Variants in SYNE1 observed in about 807,000 individuals in gnomAD.
SYNE1 encodes nesprin-1.
Under a neutral mutation model 1,111.0 loss-of-function variants are expected in SYNE1, and 616 were observed. That is an observed-to-expected ratio of 0.55 (90% confidence interval 0.52 to 0.59). SYNE1 has a LOEUF of 0.59. Ranked by LOEUF, SYNE1 falls within the 20% of genes least tolerant of loss-of-function variation. SYNE1 has a pLI of 0.00. For missense variants in SYNE1, 10,006 were observed against 10,417.0 expected, an observed-to-expected ratio of 0.96 and a Z score of 1.72; for synonymous variants, 3,855 against 3,825.8, an observed-to-expected ratio of 1.01 and a Z score of -0.28.
intron 18 of SYNE1, among the ~76,000 whole-genome samples, chr6:152,464,565 T>C (rs1000270774): frequency 1.3e-5 from 2 of 152,198 alleles, no homozygotes; most frequent in Admixed American, 6.6e-5. Context: ...CAATAATAGA[T>C]GAACCAATCT....
rs11453636 is a variant in SYNE1, at chr6:152,413,686, A to AG, written c.6051-156dup. On this transcript the variant is annotated intron_variant, in intron 41 of 145. Transcript: ENST00000367255. ...TAAATTAATGTTTATCAATGGAAAA[A>AG]GTACTTTTAAAGTTAATTTTGCAAA... Among the ~76,000 whole-genome samples, 30,187 of 152,052 alleles carry AG rather than the reference A, an allele frequency of 0.2. 3,380 individuals are homozygous for AG. Among genetic ancestry groups the AG allele is most frequent in the East Asian group, 0.36 (1,843 of 5,152 alleles).
intron 16 of SYNE1, among the ~76,000 whole-genome samples, chr6:152,469,145 G>A (rs934372617): frequency 6.6e-6 from 1 of 151,998 alleles, no homozygotes; most frequent in Non-Finnish European, 1.5e-5. Flanking sequence ...AACTGACTTT[G>A]GTGATTTGTG....
intron 22 of SYNE1, 50 bp downstream of exon 22, chr6:152,458,707 T>C: frequency 6.3e-6 from 10 of 1,593,090 alleles, no homozygotes; most frequent in Non-Finnish European, 8.6e-6. Flanking sequence ...CACCCTGGTC[T>C]TGTTACACAT....
intron 64 of SYNE1, among the ~76,000 whole-genome samples, chr6:152,361,006 G>T (rs192931146): frequency 2.6e-4 from 39 of 152,304 alleles, no homozygotes; most frequent in Admixed American, 1.6e-3. Flanking sequence ...TGAACCAAGG[G>T]CTATGAGAGA....
intron 3 of SYNE1, among the ~76,000 whole-genome samples, chr6:152,622,327 T>C (rs2099677267): frequency 6.6e-6 from 1 of 152,134 alleles, no homozygotes. Flanking sequence ...TAGGTAAATT[T>C]GTGTCATGGA....
At chr6:152,323,324 G>C (rs894960215) in intron 82 of SYNE1, among the ~76,000 whole-genome samples, 154 bp downstream of exon 82, 13 of 152,306 alleles carry the variant, frequency 8.5e-5, no homozygotes, top group Middle Eastern at 3.4e-3. Context: ...TGTAGTCCCA[G>C]CTACTCAGAG....
chr6:152,152,841 T>C (rs999679043), intron 133 of SYNE1, among the ~76,000 whole-genome samples: 2 of 152,208 alleles, frequency 1.3e-5, no homozygotes, highest in African/African-American at 4.8e-5. Flanking sequence ...AGAGCTAGTG[T>C]ACCACCCACA....
chr6:152,132,949 A>C (rs1010174453), intron 143 of SYNE1, among the ~76,000 whole-genome samples: 11 of 151,984 alleles, frequency 7.2e-5, no homozygotes, highest in Non-Finnish European at 1.6e-4. Context: ...CAGATACAAC[A>C]ATTGGTTTGC....
At chr6:152,145,477 T>C (rs2059314892) in intron 137 of SYNE1, 2 of 1,613,434 alleles carry the variant, frequency 1.2e-6, no homozygotes, top group South Asian at 1.1e-5. Context: ...CTCCGGCTTG[T>C]TGTGCCTACC....
chr6:152,590,134 G>T (rs942988701), intron 3 of SYNE1, among the ~76,000 whole-genome samples: 13 of 150,222 alleles, frequency 8.7e-5, no homozygotes, highest in Non-Finnish European at 1.6e-4. Flanking sequence ...ATTTTGTAGA[G>T]ATGGGATCTC....
intron 104 of SYNE1, among the ~76,000 whole-genome samples, chr6:152,253,821 T>G (rs1037697326): frequency 4.0e-5 from 2 of 49,966 alleles, no homozygotes; most frequent in East Asian, 8.0e-4. Context: ...TGGTTTGGTT[T>G]TTTTTTTTTT....
intron 3 of SYNE1, among the ~76,000 whole-genome samples, chr6:152,567,324 T>C (rs1348629661): frequency 6.7e-6 from 1 of 148,798 alleles, no homozygotes; most frequent in Non-Finnish European, 1.5e-5. Context: ...ACCATTTTAA[T>C]CATTCTGTTA....
In SYNE1 at chr6:152,385,918, G is replaced by T. The variant is rs575492499; in HGVS notation, c.8488-80C>A. On this transcript the variant is annotated intron_variant, in intron 54 of 145. Coordinates refer to ENST00000367255, the MANE Select transcript of SYNE1 (RefSeq NM_182961.4). ...CAGGTAAGACAACAGGCCTGATAGA[G>T]GTCTCTTAACACATCTCAGAAAATT... 15 of 1,379,962 alleles carry T rather than the reference G, an allele frequency of 1.1e-5. No homozygotes were observed. In the African/African-American group the frequency reaches 1.6e-4, roughly 14 times the overall value. 85.5% of individuals were successfully genotyped at this position (1,379,962 alleles called of 1,614,324 possible).
chr6:152,575,556 G>C (rs970710668), intron 3 of SYNE1, among the ~76,000 whole-genome samples: 2 of 152,162 alleles, frequency 1.3e-5, no homozygotes, highest in Non-Finnish European at 2.9e-5. Context: ...AAAAAGAGAA[G>C]TTATATTGCA....
intron 11 of SYNE1, among the ~76,000 whole-genome samples, chr6:152,494,376 T>A (rs1333117838): frequency 6.6e-6 from 1 of 152,138 alleles, no homozygotes; most frequent in East Asian, 1.9e-4. Flanking sequence ...CATGATTGTA[T>A]CTCTCTGATC....
chr6:152,318,317 A>C, intron 85 of SYNE1, 54 bp from the exon 86 acceptor site: 24 of 1,596,760 alleles, frequency 1.5e-5, no homozygotes, highest in Non-Finnish European at 2.0e-5. Context: ...AAATTTCTCC[A>C]GGTTTCCCGA....
At chr6:152,276,512 A>C (rs992702089) in intron 98 of SYNE1, among the ~76,000 whole-genome samples, 12 of 151,470 alleles carry the variant, frequency 7.9e-5, no homozygotes, top group Non-Finnish European at 1.5e-4. Flanking sequence ...AAAAAGCCGA[A>C]AAAAAAAATA....
chr6:152,226,074 G>A (rs1308227323), intron 115 of SYNE1, among the ~76,000 whole-genome samples, 198 bp from the exon 116 acceptor site: 1 of 151,986 alleles, frequency 6.6e-6, no homozygotes, highest in Non-Finnish European at 1.5e-5. Context: ...TTTACACATG[G>A]CAAATTAGCA....
chr6:152,248,614 C>T (rs1354127855), intron 105 of SYNE1, among the ~76,000 whole-genome samples: 1 of 152,138 alleles, frequency 6.6e-6, no homozygotes, highest in African/African-American at 2.4e-5. Flanking sequence ...TTTCATTTAT[C>T]TTAAATTCAG....
Sources: gnomAD v4.1 joint callset for allele counts (sites outside exome capture counted in the v4.1 genomes callset) on GRCh38, gnomAD v4.1.1 for gene constraint, MANE v1.5 for transcripts, NCBI Gene and HGNC (gene_info 2026-07-23, HGNC 2026-07-21) for gene names.